Variants in SELENON observed in about 807,000 individuals in gnomAD.
SELENON encodes the protein selenoprotein N, 1.
In SELENON, 44 loss-of-function variants were observed where a neutral mutation model predicts 59.5. That is an observed-to-expected ratio of 0.74 (90% CI 0.58 to 0.95). The LOEUF is 0.95. SELENON is among the 40% of genes least tolerant of loss of function. SELENON has a pLI of 0.00. For synonymous variants in SELENON, 320 were observed against 305.6 expected, an observed-to-expected ratio of 1.05 and a Z score of -0.49; for missense variants, 674 against 721.4, an observed-to-expected ratio of 0.93 and a Z score of 0.75.
intron 1 of SELENON, 60 bp downstream of exon 1, chr1:25,800,473 C>T (rs1298279145): frequency 1.8e-5 from 17 of 925,584 alleles, no homozygotes; most frequent in Non-Finnish European, 2.3e-5. Context: ...GACCCAGCCT[C>T]GGCAGCAGGG....
chr1:25,815,559 C>A lies in SELENON; in HGVS notation c.1614C>A (p.Ile538=). The A allele has an allele frequency of 6.2e-7, 1 of 1,614,156 alleles. No homozygotes were observed. The highest frequency in any genetic ancestry group is 8.5e-7 in the Non-Finnish European group (1 of 1,180,014). Residue 538 remains isoleucine, a synonymous_variant, in exon 13 of 13, where the codon ATC becomes ATA. Coordinates refer to ENST00000361547, the MANE Select transcript of SELENON (RefSeq NM_020451.3). ...GGCCCTTCTCCCAGGTCCATCACAT[C>A]AATGCCAACTACTTCTTGGACATCA... is the stretch of plus-strand genomic sequence containing the variant.
intron 12 of SELENON, among the ~76,000 whole-genome samples, chr1:25,814,560 A>T (rs2124455648): frequency 6.6e-6 from 1 of 152,292 alleles, no homozygotes; most frequent in Non-Finnish European, 1.5e-5. Flanking sequence ...CCAAGATTCA[A>T]GACCCCACCT....
At position 25,814,093 on chromosome 1, in the gene SELENON, C is replaced by G; in HGVS notation, c.1517C>G (p.Ser506Trp). Residue 506 changes from serine to tryptophan, a missense_variant, in exon 12 of 13, where the codon TCG (serine) becomes TGG (tryptophan). Physicochemically the swap from Ser to Trp is radical, Grantham distance 177. Coordinates refer to ENST00000361547, the MANE Select transcript of SELENON (RefSeq NM_020451.3). ...TCCCCACAGAACAACCAGGAGAACT[C>G]GTCCCACCAGAAGCTGGCTGGCCTG... 6.2e-7 allele frequency: 1 copy of G among 1,614,104 alleles called. No individual in the cohort carries two copies. The highest frequency in any genetic ancestry group is 8.5e-7 in the Non-Finnish European group (1 of 1,179,948).
At chr1:25,806,679 C>T (rs1389327594) in intron 4 of SELENON, among the ~76,000 whole-genome samples, 1 of 152,142 alleles carries the variant, frequency 6.6e-6, no homozygotes, top group Non-Finnish European at 1.5e-5. Context: ...TGCTGCCCAG[C>T]AGCAGCCCCT....
chr1:25,808,533 G>C (rs748505412), intron 4 of SELENON, 47 bp from the exon 4 acceptor site: 25 of 1,605,722 alleles, frequency 1.6e-5, no homozygotes, highest in Admixed American at 1.0e-4. Context: ...AGGAGACCCC[G>C]GAGTCAGGTT....
At chr1:25,812,270 C>T (rs1572235463) in intron 9 of SELENON, among the ~76,000 whole-genome samples, 1 of 152,066 alleles carries the variant, frequency 6.6e-6, no homozygotes, top group Non-Finnish European at 1.5e-5. Flanking sequence ...CTGTTTGAGC[C>T]CAGGAGTTCA....
In SELENON at chr1:25,804,652, C is replaced by T. The variant is rs1460436549; in HGVS notation, c.404-490C>T. Among the ~76,000 whole-genome samples, 82 of 122,962 alleles carry T rather than the reference C, an allele frequency of 6.7e-4. 1 individual carries two copies. Among genetic ancestry groups the T allele is most frequent in the African/African-American group, 2.2e-3 (69 of 31,456 alleles). 80.7% of individuals were successfully genotyped at this position (122,962 alleles called of 152,430 possible). On this transcript the variant is annotated intron_variant, in intron 3 of 12. Coordinates refer to ENST00000361547, the MANE Select transcript of SELENON (RefSeq NM_020451.3). ...GGGGCAATGCCCCCCCCGCCCCCCCCCCCCCGCCGCAAAAAAAAAAAAAGC... is the reference window on the plus strand; with the variant it reads ...GGGGCAATGCCCCCCCCGCCCCCCCTCCCCCGCCGCAAAAAAAAAAAAAGC...
intron 8 of SELENON, 29 bp from the exon 8 acceptor site, chr1:25,811,662 C>A (rs1234384782): frequency 1.2e-6 from 2 of 1,611,538 alleles, no homozygotes; most frequent in Non-Finnish European, 8.5e-7. Context: ...ATCTCTGAGC[C>A]TTCCCCCTAC....
intron 10 of SELENON, 73 bp downstream of exon 9, chr1:25,812,865 A>T: frequency 8.9e-7 from 1 of 1,125,332 alleles, no homozygotes; most frequent in Non-Finnish European, 1.3e-6. Context: ...AGGCTCTGAG[A>T]CCAATGGGAC....
In SELENON at chr1:25,800,237, C is replaced by T. The variant is rs866566089; in HGVS notation, c.7C>T (p.Arg3Trp). The change falls in exon 1 of 13, where the codon CGG becomes TGG. Residue 3 changes from arginine to tryptophan, a missense_variant. Arg to Trp is a moderately radical substitution (Grantham distance 101). Transcript: ENST00000361547. ...GCCGCCGCCAGCCGCAGCCATGGGC[C>T]GGGCCCGGCCGGGCCAACGCGGGCC... 10 of 820,678 alleles carry T rather than the reference C, an allele frequency of 1.2e-5. No individual in the cohort carries two copies. The highest frequency in any genetic ancestry group is 2.5e-4 in the East Asian group (2 of 7,986). The allele number at this position is 820,678 out of a possible 1,614,324, so 50.8% of individuals were successfully genotyped here.
chr1:25,803,303 C>T (rs1414032695), intron 3 of SELENON, among the ~76,000 whole-genome samples: 1 of 152,104 alleles, frequency 6.6e-6, no homozygotes, highest in Non-Finnish European at 1.5e-5. Flanking sequence ...TCTTTTTCTC[C>T]ATCAGGGTAA....
Position 25,801,067 on chromosome 1 carries a change from A to G in SELENON, c.208A>G (p.Thr70Ala). Residue 70 changes from threonine (T) to alanine (A), a missense_variant, in exon 2 of 13, where the codon ACA becomes GCA. Coordinates refer to ENST00000361547, the MANE Select transcript of SELENON (RefSeq NM_020451.3). ...GGAACTGGCGCTGAAGACCCTGGGG[A>G]CAGATGGCCTTTTTCTCTTTTCCTC... The G allele has an allele frequency of 6.2e-7, 1 of 1,614,112 alleles. No homozygotes were observed. The highest frequency in any genetic ancestry group is 1.1e-5 in the South Asian group (1 of 91,078).
At chr1:25,813,603 G>T in intron 10 of SELENON, 1 of 528,244 alleles carries the variant, frequency 1.9e-6, no homozygotes, top group Non-Finnish European at 3.6e-6. Context: ...TGAAGGCCCT[G>T]GGACACAGAG....
In SELENON at chr1:25,807,134, C is replaced by T. The variant is rs2047914711; in HGVS notation, c.538-1446C>T. 2.0e-5 allele frequency among the ~76,000 whole-genome samples: 3 copies of T among 151,290 alleles called. No homozygotes were observed. Among genetic ancestry groups the T allele is most frequent in the South Asian group, 4.2e-4 (2 of 4,754 alleles). Reference sequence around the variant, plus strand: ...GATTACAGGTGTGAGCCACCATGCCCGGCCGGGAGCCCCTTTCTTAACCTC... The same window carrying T: ...GATTACAGGTGTGAGCCACCATGCCTGGCCGGGAGCCCCTTTCTTAACCTC... On this transcript the variant is annotated intron_variant, in intron 4 of 12. Coordinates refer to ENST00000361547, the MANE Select transcript of SELENON (RefSeq NM_020451.3). The surrounding 1 kb of genome is among the most constrained non-coding windows in gnomAD (Gnocchi z 4.5).
At chr1:25,805,065 C>T (rs752597787) in intron 3 of SELENON, 77 bp from the exon 3 acceptor site, 4 of 1,595,932 alleles carry the variant, frequency 2.5e-6, no homozygotes, top group Non-Finnish European at 3.4e-6. Context: ...CGTTAATCAC[C>T]AGCTAGTGTG....
At chr1:25,806,882 C>T (rs977909536) in intron 4 of SELENON, among the ~76,000 whole-genome samples, 2 of 140,416 alleles carry the variant, frequency 1.4e-5, no homozygotes, top group Non-Finnish European at 3.0e-5. Flanking sequence ...AGTGCAGTGG[C>T]GCGATCTCTG....
At chr1:25,809,625 C>T in intron 6 of SELENON, 58 bp from the exon 6 acceptor site, 1 of 1,608,254 alleles carries the variant, frequency 6.2e-7, no homozygotes, top group South Asian at 1.1e-5. Context: ...GCCAAGGCTT[C>T]CCGGGCTCCT....
Position 25,811,488 on chromosome 1 carries a change from G to A in SELENON, c.1045G>A (p.Ala349Thr). The change falls in exon 8 of 13, where the codon GCC becomes ACC. Residue 349 changes from alanine to threonine, a missense_variant. Ala to Thr is a moderately conservative substitution (Grantham distance 58). Coordinates refer to ENST00000361547, the MANE Select transcript of SELENON (RefSeq NM_020451.3). ...TGTGGACATGGAGTGGCTTTACGGG[G>A]CCAGTGAAAGCAGCAACATGGAGGT... 1.2e-6 allele frequency: 2 copies of A among 1,614,106 alleles called. No homozygotes were observed. The highest frequency in any genetic ancestry group is 1.7e-6 in the Non-Finnish European group (2 of 1,180,048).
intron 4 of SELENON, among the ~76,000 whole-genome samples, chr1:25,806,895 C>T (rs923679459): frequency 8.1e-5 from 12 of 148,712 alleles, no homozygotes; most frequent in Admixed American, 2.7e-4. Flanking sequence ...GATCTCTGCT[C>T]ACTGCAAGCT....
Sources: allele counts gnomAD v4.1 joint callset (sites outside exome capture counted in the v4.1 genomes callset), GRCh38; gene constraint gnomAD v4.1.1; non-coding constraint Gnocchi (gnomAD v3.1); transcripts MANE v1.5; gene names NCBI Gene and HGNC (gene_info 2026-07-23, HGNC 2026-07-21).